The following SMYD4 variants were observed in gnomAD, a reference collection of about 807,000 sequenced individuals.
SMYD4 encodes protein-lysine N-methyltransferase SMYD4.
Under a neutral mutation model 72.8 loss-of-function variants are expected in SMYD4, and 68 were observed. That is an observed-to-expected ratio of 0.93 (90% CI 0.77 to 1.14). The LOEUF is 1.14. Among genes scored for constraint, SMYD4 ranks in the 50% most tolerant of loss-of-function variants. SMYD4 has a pLI of 0.00. For synonymous variants in SMYD4, 407 were observed against 388.6 expected (o/e 1.05, Z -0.56); for missense variants, 984 against 1,003.7 (o/e 0.98, Z 0.27).
intron 2 of SMYD4, chr17:1,814,562 A>C (rs1910490383): frequency 6.6e-6 from 1 of 152,162 alleles, no homozygotes; most frequent in African/African-American, 2.4e-5. Flanking sequence ...GCAGTGGCTT[A>C]TACCTGTAAT....
chr17:1,785,279 C>T (rs1348052080), intron 7 of SMYD4, among the ~76,000 whole-genome samples: 12 of 148,304 alleles, frequency 8.1e-5, no homozygotes, highest in South Asian at 2.1e-4. Context: ...AAAAATTAGC[C>T]GGGCATGGTG....
intron 4 of SMYD4, among the ~76,000 whole-genome samples, chr17:1,803,733 AAG>A: frequency 6.6e-6 from 1 of 152,080 alleles, no homozygotes. Flanking sequence ...TCCTGACCTC[AAG>A]TGATCCGTCT....
intron 5 of SMYD4, among the ~76,000 whole-genome samples, chr17:1,789,615 C>A (rs1597369979): frequency 6.6e-6 from 1 of 151,530 alleles, no homozygotes; most frequent in East Asian, 2.0e-4. Flanking sequence ...AATATAAAAA[C>A]TTAGCTGAGC....
Position 1,807,952 on chromosome 17 carries a change from A to G in SMYD4, c.280-3237T>C, listed in dbSNP as rs1910128977. Among the ~76,000 whole-genome samples, 3 of 152,270 alleles carry G rather than the reference A, an allele frequency of 2.0e-5. No homozygotes were observed. In the South Asian group the frequency reaches 6.2e-4, roughly 32 times the overall value. On this transcript the variant is annotated intron_variant, in intron 3 of 10. Coordinates refer to ENST00000305513, the MANE Select transcript of SMYD4 (RefSeq NM_052928.3). ...ACATGAACAGATTCCCTCCTCACAAATAAATCGATATAATAATAAAACCGT... is the reference window on the plus strand; with the variant it reads ...ACATGAACAGATTCCCTCCTCACAAGTAAATCGATATAATAATAAAACCGT...
intron 3 of SMYD4, among the ~76,000 whole-genome samples, chr17:1,805,435 A>G (rs1909982312): frequency 6.6e-6 from 1 of 152,140 alleles, no homozygotes; most frequent in African/African-American, 2.4e-5. Context: ...ACTTTTTTCT[A>G]CCATCAAATT....
Position 1,817,170 on chromosome 17 carries a change from C to T in SMYD4, c.135-5055G>A, listed in dbSNP as rs563155624. 2.2e-4 allele frequency among the ~76,000 whole-genome samples: 34 copies of T among 151,610 alleles called. No homozygotes were observed. In the East Asian group the frequency reaches 5.6e-3, roughly 25 times the overall value. ...CTCCTGCCTCAGCCTCCCGAGTAGC[C>T]GGGATTACAGGCACGCACCACCACG... On this transcript the variant is annotated intron_variant, in intron 2 of 10. Coordinates refer to ENST00000305513, the MANE Select transcript of SMYD4 (RefSeq NM_052928.3).
chr17:1,799,455 C>T (rs72822467), intron 5 of SMYD4, among the ~76,000 whole-genome samples: 54,083 of 150,314 alleles, frequency 0.36, 11,492 homozygotes, highest in Non-Finnish European at 0.5. Flanking sequence ...TTGCAACCTC[C>T]ACCTCCCGGG....
intron 3 of SMYD4, among the ~76,000 whole-genome samples, chr17:1,807,467 TCTC>T (rs1427428357): frequency 6.6e-6 from 1 of 151,792 alleles, no homozygotes; most frequent in African/African-American, 2.4e-5. Context: ...TTCAAGCGAT[TCTC>T]CTGTCTCAGC....
At chr17:1,791,646 G>A (rs907593676) in intron 5 of SMYD4, among the ~76,000 whole-genome samples, 1 of 152,138 alleles carries the variant, frequency 6.6e-6, no homozygotes, top group African/African-American at 2.4e-5. Context: ...TTCCTGGAGG[G>A]CAATTTTGCA....
intron 2 of SMYD4, among the ~76,000 whole-genome samples, chr17:1,826,175 T>C (rs898602494): frequency 2.0e-5 from 3 of 151,818 alleles, no homozygotes; most frequent in Non-Finnish European, 2.9e-5. Context: ...GGGACACAAA[T>C]AGGCAATACA....
At chr17:1,804,540 A>G (rs2151238616) in intron 4 of SMYD4, 86 bp downstream of exon 4, 1 of 1,160,576 alleles carries the variant, frequency 8.6e-7, no homozygotes, top group South Asian at 1.2e-5. Context: ...TTAGTGTTCT[A>G]TGGAAGAAGC....
rs1321501265 is a variant in SMYD4 at position 1,779,912 on chromosome 17, G to A, written c.*1374C>T. 2 of 152,632 alleles carry A rather than the reference G, an allele frequency of 1.3e-5. No individual in the cohort carries two copies. The highest frequency in any genetic ancestry group is 2.9e-5 in the Non-Finnish European group (2 of 68,044). The allele number at this position is 152,632 out of a possible 1,614,324, so 9.5% of individuals were successfully genotyped here. A position where few individuals can be genotyped will look rare whatever the true frequency, so the allele number is the denominator to read the frequency against. ...TCATTACTACTAAAACCACAGGAATGTTCCAGGGAAACAGACTATCATCAC... is the reference window on the plus strand; with the variant it reads ...TCATTACTACTAAAACCACAGGAATATTCCAGGGAAACAGACTATCATCAC... On this transcript the variant is annotated 3_prime_UTR_variant, in exon 11 of 11. Coordinates refer to ENST00000305513, the MANE Select transcript of SMYD4 (RefSeq NM_052928.3).
At chr17:1,815,125 G>A (rs1268181609) in intron 2 of SMYD4, among the ~76,000 whole-genome samples, 1 of 151,488 alleles carries the variant, frequency 6.6e-6, no homozygotes, top group Non-Finnish European at 1.5e-5. Flanking sequence ...GTGCAGTGGT[G>A]CGATCTCGGC....
chr17:1,801,763 T>G (rs1157178447), intron 4 of SMYD4, among the ~76,000 whole-genome samples: 1 of 149,566 alleles, frequency 6.7e-6, no homozygotes, highest in Non-Finnish European at 1.5e-5. Context: ...GATCACGAGG[T>G]CAGGTGATCG....
intron 5 of SMYD4, among the ~76,000 whole-genome samples, chr17:1,788,988 T>C (rs1768524860): frequency 6.6e-6 from 1 of 152,162 alleles, no homozygotes; most frequent in Non-Finnish European, 1.5e-5. Context: ...GGTTGGAAGA[T>C]AAAAAATACC....
chr17:1,808,523 A>T (rs2151242483), intron 3 of SMYD4, among the ~76,000 whole-genome samples: 1 of 152,318 alleles, frequency 6.6e-6, no homozygotes, highest in East Asian at 1.9e-4. Context: ...GTACTTTCCG[A>T]AGTAAACATA....
chr17:1,790,253 C>T (rs1201461406), intron 5 of SMYD4, among the ~76,000 whole-genome samples: 1 of 152,138 alleles, frequency 6.6e-6, no homozygotes, highest in Non-Finnish European at 1.5e-5. Context: ...TTATAGATTA[C>T]CCTCTGACAG....
At chr17:1,794,103 ATATTTTTTTT>A (rs1272504654) in intron 5 of SMYD4, among the ~76,000 whole-genome samples, 317 of 14,758 alleles carry the variant, frequency 0.021, 17 homozygotes, top group African/African-American at 0.066. Context: ...ATATATATAT[ATATTTTTTTT>A]TTTTTTTTTT....
chr17:1,789,292 T>C (rs1169052217), intron 5 of SMYD4, among the ~76,000 whole-genome samples: 1 of 151,584 alleles, frequency 6.6e-6, no homozygotes, highest in African/African-American at 2.4e-5. Context: ...GGAGGCGAGG[T>C]ACGAGAATTG....
Sources: gnomAD v4.1 joint callset for allele counts (sites outside exome capture counted in the v4.1 genomes callset) on GRCh38, gnomAD v4.1.1 for gene constraint, MANE v1.5 for transcripts, NCBI Gene and HGNC (gene_info 2026-07-23, HGNC 2026-07-21) for gene names.